EPHB1: variants seen among roughly 807,000 people sequenced by gnomAD.
EPHB1 encodes ephrin type-B receptor 1.
In EPHB1, 30 loss-of-function variants were observed where a neutral mutation model predicts 94.4. The ratio of observed to expected loss-of-function variants is 0.32; its 90% CI spans 0.24 to 0.43. The LOEUF is 0.43. Ranked by LOEUF, EPHB1 falls within the 20% of genes least tolerant of loss-of-function variation. The pLI, the probability that EPHB1 is intolerant of heterozygous loss-of-function variation, is 1.00. For missense variants in EPHB1, 1,055 were observed against 1,308.3 expected (o/e 0.81, Z 2.99); for synonymous variants, 522 against 489.1 (o/e 1.07, Z -0.89).
intron 3 of EPHB1, among the ~76,000 whole-genome samples, chr3:135,058,305 C>T (rs1019595821): frequency 1.4e-4 from 21 of 152,220 alleles, no homozygotes; most frequent in African/African-American, 5.1e-4. Flanking sequence ...ATGGGACATG[C>T]TGTGAATGGG....
chr3:134,850,589 A>G (rs1337546195), intron 1 of EPHB1, among the ~76,000 whole-genome samples: 1 of 152,144 alleles, frequency 6.6e-6, no homozygotes, highest in Non-Finnish European at 1.5e-5. Context: ...GGGCAGGAAG[A>G]GGCCTGTGTC....
intron 13 of EPHB1, among the ~76,000 whole-genome samples, chr3:135,247,387 A>G (rs1943951683): frequency 1.3e-5 from 2 of 152,218 alleles, no homozygotes; most frequent in South Asian, 4.1e-4. Flanking sequence ...TTGTAGTATT[A>G]CTTTAAGGCC....
At chr3:135,240,540 A>G (rs1943756218) in intron 12 of EPHB1, among the ~76,000 whole-genome samples, 2 of 152,202 alleles carry the variant, frequency 1.3e-5, no homozygotes, top group Admixed American at 1.3e-4. Context: ...GCCAGCATGT[A>G]GAAAGACCAC....
intron 3 of EPHB1, among the ~76,000 whole-genome samples, chr3:134,970,775 C>T (rs989440582): frequency 6.6e-6 from 1 of 152,188 alleles, no homozygotes; most frequent in African/African-American, 2.4e-5. Context: ...GAGCTGGACT[C>T]TGTCTCACAC....
chr3:135,144,505 A>G (rs1940945023), intron 5 of EPHB1, among the ~76,000 whole-genome samples: 1 of 152,152 alleles, frequency 6.6e-6, no homozygotes, highest in Non-Finnish European at 1.5e-5. Flanking sequence ...CTACATTTTG[A>G]GAACTTACAG....
At chr3:134,902,061 G>A (rs1427960610) in intron 1 of EPHB1, among the ~76,000 whole-genome samples, 1 of 152,156 alleles carries the variant, frequency 6.6e-6, no homozygotes, top group Admixed American at 6.6e-5. Context: ...TTTTGCATAA[G>A]GGACAGATAT....
intron 12 of EPHB1, among the ~76,000 whole-genome samples, chr3:135,226,114 G>A (rs546749228): frequency 1.1e-4 from 16 of 152,348 alleles, no homozygotes; most frequent in South Asian, 2.1e-4. Flanking sequence ...GCAGGCCAAC[G>A]GCATCAGTGG....
intron 5 of EPHB1, among the ~76,000 whole-genome samples, chr3:135,135,777 A>G (rs1245018684): frequency 2.6e-5 from 4 of 152,228 alleles, no homozygotes; most frequent in Non-Finnish European, 5.9e-5. Flanking sequence ...TCCTGGGATC[A>G]ATCATTAAGT....
In EPHB1 at chr3:135,090,077, C is replaced by T. The variant is rs114307270; in HGVS notation, c.806-16371C>T. On this transcript the variant is annotated intron_variant, in intron 3 of 15. Transcript: ENST00000398015. Reference sequence around the variant, plus strand: ...ATAGTGCACTCTGGAAATTACCTCTCAGCACCTAGGAATAAATGATCTCAG... The same window carrying T: ...ATAGTGCACTCTGGAAATTACCTCTTAGCACCTAGGAATAAATGATCTCAG... Among the ~76,000 whole-genome samples the T allele has an allele frequency of 8.0e-3, 1,214 of 152,346 alleles. 16 individuals carry two copies. Among genetic ancestry groups the T allele is most frequent in the African/African-American group, 0.028 (1,167 of 41,570 alleles).
chr3:135,248,591 T>G (rs1278814414), intron 14 of EPHB1, 82 bp downstream of exon 14: 1 of 1,404,592 alleles, frequency 7.1e-7, no homozygotes, highest in Admixed American at 2.5e-5. Context: ...ACCATGATCA[T>G]GTTCGAATTT....
intron 1 of EPHB1, among the ~76,000 whole-genome samples, chr3:134,851,972 G>A (rs1271837524): frequency 2.0e-5 from 3 of 152,194 alleles, no homozygotes. Context: ...CTTCTTTGCT[G>A]AATGTCTGTT....
chr3:135,166,858 C>G, intron 8 of EPHB1, 84 bp from the exon 9 acceptor site: 1 of 1,461,784 alleles, frequency 6.8e-7, no homozygotes, highest in Non-Finnish European at 9.5e-7. Context: ...GAGCCCCTAT[C>G]TGGCCTGGGG....
chr3:134,993,338 G>A (rs1433878520), intron 3 of EPHB1, among the ~76,000 whole-genome samples: 2 of 152,172 alleles, frequency 1.3e-5, no homozygotes, highest in Non-Finnish European at 2.9e-5. Context: ...ACTAATGGGG[G>A]CTGCTGACTG....
intron 9 of EPHB1, 135 bp downstream of exon 9, chr3:135,167,141 C>T (rs1941673572): frequency 9.0e-6 from 9 of 995,658 alleles, no homozygotes; most frequent in Non-Finnish European, 3.1e-6. Flanking sequence ...AGTGCCTTGG[C>T]CACCTTTCTG....
intron 2 of EPHB1, among the ~76,000 whole-genome samples, chr3:134,930,153 A>C (rs2107704308): frequency 6.6e-6 from 1 of 151,916 alleles, no homozygotes; most frequent in Non-Finnish European, 1.5e-5. Flanking sequence ...AGGCCAAGGG[A>C]CTCTTCCTTT....
intron 1 of EPHB1, among the ~76,000 whole-genome samples, chr3:134,901,225 T>C (rs1202508784): frequency 6.6e-5 from 10 of 152,218 alleles, no homozygotes; most frequent in Non-Finnish European, 1.2e-4. Flanking sequence ...AGTCAGTGTT[T>C]AGATTTTCCT....
At chr3:135,156,188 C>T (rs1941349090) in intron 6 of EPHB1, among the ~76,000 whole-genome samples, 1 of 151,832 alleles carries the variant, frequency 6.6e-6, no homozygotes, top group African/African-American at 2.4e-5. Flanking sequence ...GTCTAAAATG[C>T]TTGTAAAATG....
At chr3:135,214,153 G>A (rs1943090724) in intron 12 of EPHB1, among the ~76,000 whole-genome samples, 1 of 152,176 alleles carries the variant, frequency 6.6e-6, no homozygotes, top group African/African-American at 2.4e-5. Context: ...CTGCCCTGCT[G>A]CTGTTTCCTT....
At chr3:134,904,336 C>A (rs1005380815) in intron 1 of EPHB1, among the ~76,000 whole-genome samples, 4 of 152,190 alleles carry the variant, frequency 2.6e-5, no homozygotes, top group African/African-American at 9.7e-5. Context: ...GCTGTTAATT[C>A]TCTGTTCAAA....
Sources: gnomAD v4.1 joint callset for allele counts (sites outside exome capture counted in the v4.1 genomes callset) on GRCh38, gnomAD v4.1.1 for gene constraint, MANE v1.5 for transcripts, NCBI Gene and HGNC (gene_info 2026-07-23, HGNC 2026-07-21) for gene names.